The following NKTR variants were observed in gnomAD, a reference collection of about 807,000 sequenced individuals.
NKTR encodes NK-tumor recognition protein.
A neutral mutation model predicts 156.3 loss-of-function variants in NKTR; 67 were observed. That is an observed-to-expected ratio of 0.43 (90% CI 0.35 to 0.53). NKTR has a LOEUF of 0.53. NKTR is among the 20% of genes least tolerant of loss of function. The probability of loss-of-function intolerance (pLI) is 0.01; values close to 1 mark genes in which losing one functional copy is unlikely to be tolerated. For synonymous variants in NKTR, 640 were observed against 596.6 expected (o/e 1.07, Z -1.06); for missense variants, 1,604 against 1,730.9 (o/e 0.93, Z 1.30).
chr3:42,640,322 ATTG>A (rs1709778138), intron 13 of NKTR, among the ~76,000 whole-genome samples: 2 of 152,198 alleles, frequency 1.3e-5, no homozygotes, highest in Admixed American at 1.3e-4. Flanking sequence ...GTTTTTTGTT[ATTG>A]TTATAAATTG....
intron 2 of NKTR, among the ~76,000 whole-genome samples, chr3:42,603,855 C>T (rs1007296243): frequency 3.3e-5 from 5 of 151,864 alleles, no homozygotes; most frequent in Non-Finnish European, 7.4e-5. Context: ...CCTGCCTCAG[C>T]CTCCCTAGTA....
At chr3:42,620,374 A>C in intron 5 of NKTR, 1 of 1,058,604 alleles carries the variant, frequency 9.4e-7, no homozygotes, top group Non-Finnish European at 1.1e-6. Flanking sequence ...TATTCTCATA[A>C]TAGTAGCATC....
Position 42,647,017 on chromosome 3 carries a change from C to T in NKTR, c.*1042C>T, listed in dbSNP as rs1237619654. 2.0e-5 allele frequency: 3 copies of T among 151,952 alleles called. No individual in the cohort carries two copies. The highest frequency in any genetic ancestry group is 7.3e-5 in the African/African-American group (3 of 41,334). The allele number at this position is 151,952 out of a possible 1,614,324, so 9.4% of individuals were successfully genotyped here. A position where few individuals can be genotyped will look rare whatever the true frequency, so the allele number is the denominator to read the frequency against. On this transcript the variant is annotated 3_prime_UTR_variant, in exon 17 of 17. Transcript: ENST00000232978. The stretch of plus-strand genomic sequence containing the variant: ...GTAACATCAAAAATCTAACTGCCAC[C>T]ATCCTGGAGACATTTTGCAGGGCTT...
In NKTR at chr3:42,638,920, A is replaced by G. The variant is rs1192590333; in HGVS notation, c.3216A>G (p.Thr1072=). ...AGGACCTTTCAGGTAAACATGATAC[A>G]GTGACTGTTTCATCAGATCTTGATC... ...SEEDLSGKHD[T]VTVSSDLDQF... The change falls in exon 13 of 17, where the codon ACA becomes ACG. Residue 1072 remains threonine (T), a synonymous_variant. Transcript: ENST00000232978. 2 of 1,612,938 alleles carry G rather than the reference A, an allele frequency of 1.2e-6. No homozygotes were observed. The highest frequency in any genetic ancestry group is 2.2e-5 in the East Asian group (1 of 44,874).
rs1166794588 is a variant in NKTR at position 42,637,864 on chromosome 3, G to T, written c.2160G>T (p.Arg720Ser). ...TAGCTAGTTCACATTCAAGGTCTAG[G>T]TCTCCATCATCTAGATCTCATTCAC... ...RSLASSHSRS[R>S]SPSSRSHSRN... Residue 720 changes from arginine to serine, a missense_variant, in exon 13 of 17, where the codon AGG becomes AGT. Physicochemically the swap from Arg to Ser is moderately radical, Grantham distance 110. Transcript: ENST00000232978. The T allele has an allele frequency of 6.2e-7, 1 of 1,613,598 alleles. No individual in the cohort carries two copies. The highest frequency in any genetic ancestry group is 1.3e-5 in the African/African-American group (1 of 74,908).
chr3:42,629,236 C>T (rs1318688276), intron 6 of NKTR: 2 of 981,298 alleles, frequency 2.0e-6, no homozygotes, highest in Non-Finnish European at 2.4e-6. Context: ...CTTTTTGCTG[C>T]CTGTTTTTAT....
Position 42,638,365 on chromosome 3 carries a change from T to G in NKTR, c.2661T>G (p.Ser887=), listed in dbSNP as rs566053632. The G allele has an allele frequency of 2.5e-6, 4 of 1,613,808 alleles. No homozygotes were observed. The East Asian group carries it at 8.9e-5, about 36-fold the overall frequency. The part of the protein sequence containing the change: ...RKNYAGSKWD[S]ESNSERDVTK... ...ATTATGCTGGTAGTAAATGGGACTC[T>G]GAGTCAAATTCAGAACGAGATGTCA... is the stretch of plus-strand genomic sequence containing the variant. Residue 887 remains serine (S), a synonymous_variant, in exon 13 of 17, where the codon TCT becomes TCG. Coordinates refer to ENST00000232978, the MANE Select transcript of NKTR (RefSeq NM_005385.4).
intron 6 of NKTR, chr3:42,627,244 C>T (rs1388836807): frequency 2.0e-6 from 2 of 984,990 alleles, no homozygotes; most frequent in East Asian, 1.1e-4. Context: ...TCTCATTACT[C>T]TAAGGCTCTC....
At chr3:42,618,282 C>T (rs111861678) in intron 3 of NKTR, among the ~76,000 whole-genome samples, 25,654 of 147,156 alleles carry the variant, frequency 0.17, 2,706 homozygotes, top group African/African-American at 0.3. Flanking sequence ...ACCCGGGAGG[C>T]GGAGCTTGCA....
Position 42,627,452 on chromosome 3 carries a change from G to A in NKTR, c.375-3094G>A. 5.1e-6 allele frequency: 5 copies of A among 985,256 alleles called. No individual in the cohort carries two copies. In the South Asian group the frequency reaches 1.4e-4, roughly 28 times the overall value. 61.0% of individuals were successfully genotyped at this position (985,256 alleles called of 1,614,324 possible). On this transcript the variant is annotated intron_variant, in intron 6 of 16. Coordinates refer to ENST00000232978, the MANE Select transcript of NKTR (RefSeq NM_005385.4). ...CCAAGTTCCTGTACATCTTCTGGTG[G>A]GGGAGTGGGGTTATTAGTTTATAGT...
At chr3:42,634,839 G>A in intron 11 of NKTR, 139 bp downstream of exon 11, 1 of 572,594 alleles carries the variant, frequency 1.7e-6, no homozygotes, top group Non-Finnish European at 3.1e-6. Context: ...TTATGGGAAG[G>A]TATTGCTGTT....
chr3:42,619,012 TTTTC>T lies in NKTR; in HGVS notation c.134-7_134-4del. The stretch of plus-strand genomic sequence containing the variant: ...AACTTCATTTCTTTTTTTTTTTTTT[TTTTC>T]CAGGAGAGAAAGGCCTTGGGAAAAC... On this transcript the variant is annotated splice_polypyrimidine_tract_variant and splice_region_variant and intron_variant, in intron 3 of 16. Transcript: ENST00000232978. 1.3e-6 allele frequency: 2 copies of T among 1,566,794 alleles called. No homozygotes were observed. The highest frequency in any genetic ancestry group is 1.7e-6 in the Non-Finnish European group (2 of 1,164,222).
intron 2 of NKTR, among the ~76,000 whole-genome samples, chr3:42,610,340 A>G (rs1706665736): frequency 6.6e-6 from 1 of 152,172 alleles, no homozygotes; most frequent in Admixed American, 6.5e-5. Context: ...AGCATTAAAC[A>G]GTAGTGATGC....
rs938118168 is a variant in NKTR, at chr3:42,600,775, C to G, written c.-27C>G. The G allele has an allele frequency of 3.5e-5, 13 of 370,424 alleles. No individual in the cohort carries two copies. The highest frequency in any genetic ancestry group is 2.7e-4 in the African/African-American group (13 of 47,304). The allele number at this position is 370,424 out of a possible 1,614,324, so 22.9% of individuals were successfully genotyped here. A position where few individuals can be genotyped will look rare whatever the true frequency, so the allele number is the denominator to read the frequency against. ...GGGACCCGCTCAGGCTGGAGGCCAG[C>G]CAGGTGAAGAGCTCGCCCGCATGCG... On this transcript the variant is annotated 5_prime_UTR_variant, in exon 1 of 17. Coordinates refer to ENST00000232978, the MANE Select transcript of NKTR (RefSeq NM_005385.4).
chr3:42,635,832 C>T (rs190584312), intron 12 of NKTR, among the ~76,000 whole-genome samples: 7 of 151,512 alleles, frequency 4.6e-5, no homozygotes, highest in African/African-American at 1.2e-4. Context: ...GGTGTGAACC[C>T]GGGAGGTGGA....
Position 42,637,716 on chromosome 3 carries a change from C to G in NKTR, c.2012C>G (p.Ser671Trp). 6.2e-7 allele frequency: 1 copy of G among 1,613,948 alleles called. No individual in the cohort carries two copies. Among genetic ancestry groups the G allele is most frequent in the Non-Finnish European group, 8.5e-7 (1 of 1,179,964 alleles). The part of the protein sequence containing the change: ...SSSYHKREKN[S>W]ESDQSTYSKY... ...TCCTACCATAAAAGAGAAAAAAATT[C>G]GGAAAGTGATCAGAGCACTTATTCA... Residue 671 changes from serine (S) to tryptophan (W), a missense_variant, in exon 13 of 17, where the codon TCG becomes TGG. Physicochemically the swap from Ser to Trp is radical, Grantham distance 177 (BLOSUM62 -3). This residue lies in a region of NKTR where 1,255 missense variants were observed against 1,243.7 expected (regional missense o/e 1.01). Transcript: ENST00000232978.
In NKTR at chr3:42,646,014, C is replaced by A; in HGVS notation, c.*39C>A. ...CAAATTATATCTTATTTGTAAATAT[C>A]TGGCAACTTAGCTTAAGAAATGTAA... is the stretch of plus-strand genomic sequence containing the variant. On this transcript the variant is annotated 3_prime_UTR_variant, in exon 17 of 17. Coordinates refer to ENST00000232978, the MANE Select transcript of NKTR (RefSeq NM_005385.4). The A allele has an allele frequency of 7.0e-7, 1 of 1,434,186 alleles. No homozygotes were observed. Among genetic ancestry groups the A allele is most frequent in the South Asian group, 1.2e-5 (1 of 85,174 alleles). The allele number at this position is 1,434,186 out of a possible 1,614,324, so 88.8% of individuals were successfully genotyped here.
At chr3:42,619,475 GT>G in intron 4 of NKTR, 188 bp from the exon 5 acceptor site, 2 of 1,403,196 alleles carry the variant, frequency 1.4e-6, no homozygotes, top group Non-Finnish European at 1.8e-6. Context: ...TTTTTTGATG[GT>G]ATTTCTTGTA....
Position 42,631,289 on chromosome 3 carries a change from G to A in NKTR, c.523G>A (p.Val175Ile), listed in dbSNP as rs1227831744. The change falls in exon 8 of 17, where the codon GTA (valine) becomes ATA (isoleucine). Residue 175 changes from valine (V) to isoleucine (I), a missense_variant. Val to Ile is a conservative substitution (Grantham distance 29, BLOSUM62 3). This residue lies in a region of NKTR where 61 missense variants were observed against 113.3 expected (regional missense o/e 0.54). Coordinates refer to ENST00000232978, the MANE Select transcript of NKTR (RefSeq NM_005385.4). ...YADVRVIDCG[V>I]LATKSIKDVF... ...AGATGTGCGAGTTATTGACTGTGGA[G>A]TACTTGCCACAAAATCAATAAAAGA... The A allele has an allele frequency of 1.2e-6, 2 of 1,613,428 alleles. No homozygotes were observed. The highest frequency in any genetic ancestry group is 1.6e-4 in the Middle Eastern group (1 of 6,076).
Sources: gnomAD v4.1 joint callset for allele counts (sites outside exome capture counted in the v4.1 genomes callset) on GRCh38, gnomAD v4.1.1 for gene constraint, gnomAD v4.1.1 regional missense constraint, MANE v1.5 for transcripts, NCBI Gene and HGNC (gene_info 2026-07-23, HGNC 2026-07-21) for gene names.